DDX46: variants seen among roughly 807,000 people sequenced by gnomAD.
The protein encoded by DDX46 is probable ATP-dependent RNA helicase DDX46.
In DDX46, 30 loss-of-function variants were observed where a neutral mutation model predicts 134.9. The ratio of observed to expected loss-of-function variants is 0.22; its 90% confidence interval spans 0.17 to 0.30. DDX46 has a LOEUF of 0.30. Ranked by LOEUF, DDX46 falls within the 10% of genes least tolerant of loss-of-function variation. DDX46 has a pLI of 1.00. For synonymous variants in DDX46, 415 were observed against 404.1 expected (o/e 1.03, Z -0.32); for missense variants, 622 against 1,248.7 (o/e 0.50, Z 7.56).
intron 6 of DDX46, among the ~76,000 whole-genome samples, chr5:134,779,219 A>G (rs1754053962): frequency 6.6e-6 from 1 of 151,042 alleles, no homozygotes; most frequent in South Asian, 2.1e-4. Context: ...TTTGAGATGG[A>G]GTCTTGCTCT....
intron 5 of DDX46, among the ~76,000 whole-genome samples, chr5:134,777,236 C>T (rs939950784): frequency 1.3e-5 from 2 of 152,146 alleles, no homozygotes; most frequent in African/African-American, 4.8e-5. Context: ...CATCATTTAG[C>T]AGAGAAAGTT....
At chr5:134,816,350 C>G (rs1755287881) in intron 18 of DDX46, 80 bp from the exon 19 acceptor site, 2 of 1,320,584 alleles carry the variant, frequency 1.5e-6, no homozygotes, top group South Asian at 1.5e-5. Context: ...GGAAACATTC[C>G]TTATTTATTT....
At chr5:134,827,736 TATA>T (rs1170466031) in intron 22 of DDX46, among the ~76,000 whole-genome samples, 1 of 152,222 alleles carries the variant, frequency 6.6e-6, no homozygotes. Flanking sequence ...TTCATGGCCA[TATA>T]ATATTTATAT....
chr5:134,764,199 G>A (rs1289129551), intron 2 of DDX46, 107 bp downstream of exon 2: 7 of 1,094,758 alleles, frequency 6.4e-6, no homozygotes, highest in East Asian at 2.6e-5. Flanking sequence ...TGGCCCAATT[G>A]CAGGCCCTTT....
At chr5:134,807,041 A>G (rs1331096602) in intron 15 of DDX46, among the ~76,000 whole-genome samples, 1 of 149,200 alleles carries the variant, frequency 6.7e-6, no homozygotes, top group African/African-American at 2.5e-5. Flanking sequence ...ATAACCCTAG[A>G]TTCTGCATTT....
intron 16 of DDX46, among the ~76,000 whole-genome samples, chr5:134,809,747 G>A (rs1356280988): frequency 6.6e-6 from 1 of 151,920 alleles, no homozygotes; most frequent in Non-Finnish European, 1.5e-5. Context: ...GGTGGCTCAC[G>A]CCTGTAATCC....
intron 3 of DDX46, among the ~76,000 whole-genome samples, chr5:134,768,334 TCTC>T (rs1276372017): frequency 6.6e-6 from 1 of 151,566 alleles, no homozygotes; most frequent in African/African-American, 2.4e-5. Flanking sequence ...ATGGTCTCGA[TCTC>T]CTGATCTCGT....
intron 16 of DDX46, among the ~76,000 whole-genome samples, chr5:134,808,631 T>C (rs1561870384): frequency 6.6e-6 from 1 of 152,208 alleles, no homozygotes; most frequent in Non-Finnish European, 1.5e-5. Flanking sequence ...TCATAAAATA[T>C]ACCCATCTCC....
At chr5:134,811,470 TTTTA>T in intron 17 of DDX46, 112 bp downstream of exon 17, 2 of 1,398,276 alleles carry the variant, frequency 1.4e-6, no homozygotes, top group Non-Finnish European at 9.6e-7. Context: ...CTACGACTAT[TTTTA>T]TTTCTCTCTA....
Position 134,817,603 on chromosome 5 carries a change from C to G in DDX46, c.2721C>G (p.Ala907=). 1 of 1,614,090 alleles carries G rather than the reference C, an allele frequency of 6.2e-7. No individual in the cohort carries two copies. The highest frequency in any genetic ancestry group is 8.5e-7 in the Non-Finnish European group (1 of 1,180,016). Residue 907 remains alanine, a synonymous_variant, in exon 20 of 23, where the codon GCC becomes GCG. Coordinates refer to ENST00000452510, the MANE Select transcript of DDX46 (RefSeq NM_001300860.2). ...AACAACTTGCTGAAAAGATCAATGC[C>G]AAGCTCAATTATGTGCCGTTAGAGA... ...IAEQLAEKIN[A]KLNYVPLEKQ...
At chr5:134,824,274 G>A (rs1755530771) in intron 21 of DDX46, among the ~76,000 whole-genome samples, 1 of 152,148 alleles carries the variant, frequency 6.6e-6, no homozygotes, top group South Asian at 2.1e-4. Flanking sequence ...CTTTGTTGAA[G>A]CAAATCTTAA....
At chr5:134,811,135 A>G in intron 16 of DDX46, 86 bp from the exon 17 acceptor site, 2 of 1,200,900 alleles carry the variant, frequency 1.7e-6, no homozygotes, top group Non-Finnish European at 2.3e-6. Flanking sequence ...TCGAGGATTT[A>G]TTAGGTGGAT....
intron 1 of DDX46, among the ~76,000 whole-genome samples, chr5:134,760,631 A>G (rs771210665): frequency 1.3e-5 from 2 of 152,238 alleles, no homozygotes; most frequent in Non-Finnish European, 2.9e-5. Context: ...TCCTAGGTAG[A>G]TATGTCTGAT....
chr5:134,821,955 C>G (rs1755468025), intron 21 of DDX46, among the ~76,000 whole-genome samples: 1 of 145,712 alleles, frequency 6.9e-6, no homozygotes, highest in Non-Finnish European at 1.5e-5. Flanking sequence ...TGCAATGGTG[C>G]TGTCTCGTCT....
At chr5:134,803,829 C>T (rs1754903019) in intron 15 of DDX46, among the ~76,000 whole-genome samples, 1 of 151,800 alleles carries the variant, frequency 6.6e-6, no homozygotes, top group Admixed American at 6.6e-5. Flanking sequence ...CTTTAATACT[C>T]CTTTTATCTT....
At chr5:134,802,312 A>G (rs980780275) in intron 15 of DDX46, among the ~76,000 whole-genome samples, 2 of 151,740 alleles carry the variant, frequency 1.3e-5, no homozygotes, top group East Asian at 3.9e-4. Context: ...TTACAGGCGT[A>G]TGCTACCACA....
In DDX46 at chr5:134,763,994, T is replaced by A. The variant is rs770792465; in HGVS notation, c.108T>A (p.Asp36Glu). ...CAGACAAAAGAAGTAAACGTGGAGA[T>A]GACAGACGGTCTAGAAGTAGAGATA... ...SPSDKRSKRG[D>E]DRRSRSRDRD... The change falls in exon 2 of 23, where the codon GAT (aspartate) becomes GAA (glutamate). Residue 36 changes from aspartate (D) to glutamate (E), a missense_variant. Transcript: ENST00000452510. 3.7e-6 allele frequency: 6 copies of A among 1,614,162 alleles called. No individual in the cohort carries two copies. The South Asian group carries it at 5.5e-5, about 15-fold the overall frequency.
chr5:134,794,734 G>A (rs1754600024), intron 13 of DDX46, 116 bp from the exon 14 acceptor site: 1 of 1,296,000 alleles, frequency 7.7e-7, no homozygotes, highest in East Asian at 2.4e-5. Flanking sequence ...GGAGACTGTG[G>A]GAGTGGCAAA....
At position 134,829,786 on chromosome 5, in the gene DDX46, C is replaced by G. The variant is rs1216102051; in HGVS notation, c.*1080C>G. The G allele has an allele frequency of 6.6e-6, 1 of 152,032 alleles. No individual in the cohort carries two copies. The highest frequency in any genetic ancestry group is 1.9e-4 in the East Asian group (1 of 5,188). 9.4% of individuals were successfully genotyped at this position (152,032 alleles called of 1,614,324 possible). On this transcript the variant is annotated 3_prime_UTR_variant, in exon 23 of 23. Transcript: ENST00000452510. ...CTAGCCTGGTCAACATGGTGAAACCCTGTCTCTACTAAAAATACAAAAATT... is the reference window on the plus strand; with the variant it reads ...CTAGCCTGGTCAACATGGTGAAACCGTGTCTCTACTAAAAATACAAAAATT...
Sources: gnomAD v4.1 joint callset for allele counts (sites outside exome capture counted in the v4.1 genomes callset) on GRCh38, gnomAD v4.1.1 for gene constraint, MANE v1.5 for transcripts, NCBI Gene and HGNC (gene_info 2026-07-23, HGNC 2026-07-21) for gene names.